The following DTHD1 variants were observed in gnomAD, a reference collection of about 807,000 sequenced individuals.
DTHD1 encodes death domain containing 1.
In DTHD1, 59 loss-of-function variants were observed where a neutral mutation model predicts 74.8. That is an observed-to-expected ratio of 0.79 (90% CI 0.64 to 0.98). DTHD1 has a LOEUF of 0.98. DTHD1 is among the 50% of genes least tolerant of loss of function. DTHD1 has a pLI of 0.00. For synonymous variants in DTHD1, 365 were observed against 371.1 expected, an observed-to-expected ratio of 0.98 and a Z score of 0.19; for missense variants, 1,051 against 1,065.4, an observed-to-expected ratio of 0.99 and a Z score of 0.19.
At chr4:36,330,952 C>A (rs570055469) in intron 8 of DTHD1, among the ~76,000 whole-genome samples, 2 of 151,964 alleles carry the variant, frequency 1.3e-5, no homozygotes, top group South Asian at 4.2e-4. Flanking sequence ...ATTCAGCATA[C>A]CCTTTACTGT....
chr4:36,328,547 G>C (rs564596459), intron 8 of DTHD1, among the ~76,000 whole-genome samples: 11 of 152,176 alleles, frequency 7.2e-5, no homozygotes, highest in Non-Finnish European at 1.6e-4. Flanking sequence ...CACAAAAACA[G>C]AGAAAATATA....
intron 3 of DTHD1, among the ~76,000 whole-genome samples, chr4:36,292,182 C>A (rs1174620510): frequency 6.6e-6 from 1 of 152,116 alleles, no homozygotes; most frequent in Non-Finnish European, 1.5e-5. Context: ...GTCAGCATTG[C>A]CCTTGACTGG....
chr4:36,302,658 C>T (rs1485418070), intron 5 of DTHD1, among the ~76,000 whole-genome samples: 1 of 152,034 alleles, frequency 6.6e-6, no homozygotes, highest in East Asian at 1.9e-4. Flanking sequence ...ATAAAAACTA[C>T]CAGAAATTTA....
chr4:36,284,358 T>C lies in DTHD1; in HGVS notation c.654T>C (p.Asn218=), dbSNP rs1394517583. Residue 218 remains asparagine (N), a synonymous_variant, in exon 2 of 10, where the codon AAT becomes AAC. Coordinates refer to ENST00000639862, the MANE Select transcript of DTHD1 (RefSeq NM_001170700.3). The part of the protein sequence containing the change: ...QNKMFPDNAE[N]EDDKQIEHMT... ...AAATGTTCCCAGATAATGCAGAAAA[T>C]GAAGATGATAAACAAATAGAACACA... The C allele has an allele frequency of 6.5e-7, 1 of 1,536,660 alleles. No homozygotes were observed. The highest frequency in any genetic ancestry group is 8.7e-7 in the Non-Finnish European group (1 of 1,146,770).
At position 36,284,605 on chromosome 4, in the gene DTHD1, A is replaced by G. The variant is rs73117663; in HGVS notation, c.887+14A>G. On this transcript the variant is annotated intron_variant, in intron 2 of 9. Coordinates refer to ENST00000639862, the MANE Select transcript of DTHD1 (RefSeq NM_001170700.3). ...AATGGAAAAGGAGTAAGTAAATGCAATGTGGGAAGTGCTTAAGTATGCCTA... is the reference window on the plus strand; with the variant it reads ...AATGGAAAAGGAGTAAGTAAATGCAGTGTGGGAAGTGCTTAAGTATGCCTA... The G allele has an allele frequency of 0.013, 19,351 of 1,486,074 alleles. 402 individuals carry two copies. The highest frequency in any genetic ancestry group is 0.096 in the African/African-American group (6,818 of 71,052). 92.1% of individuals were successfully genotyped at this position (1,486,074 alleles called of 1,614,324 possible). A position where few individuals can be genotyped will look rare whatever the true frequency, so the allele number is the denominator to read the frequency against.
intron 9 of DTHD1, among the ~76,000 whole-genome samples, chr4:36,343,004 T>C (rs908181425): frequency 1.3e-5 from 2 of 149,400 alleles, no homozygotes; most frequent in African/African-American, 4.9e-5. Context: ...TAGACTAGAA[T>C]CGCTTGAACC....
At chr4:36,286,713 C>G (rs544262772) in intron 2 of DTHD1, among the ~76,000 whole-genome samples, 1 of 152,284 alleles carries the variant, frequency 6.6e-6, no homozygotes, top group African/African-American at 2.4e-5. Context: ...GCCTACTGCA[C>G]GCTTAGTCTA....
chr4:36,317,926 A>T (rs1757822934), intron 8 of DTHD1, among the ~76,000 whole-genome samples: 1 of 152,232 alleles, frequency 6.6e-6, no homozygotes, highest in Admixed American at 6.5e-5. Flanking sequence ...GAAAAAAGGC[A>T]AGTTGGGGGA....
chr4:36,343,667 G>A lies in DTHD1; in HGVS notation c.2564G>A (p.Trp855Ter). ...CAGATCCACGAGTTTCTTTGCTTCT[G>A]GAAAAAATCGCTTCCAACTTTCACC... ...TEQIHEFLCF[W>*]KKSLPTFTDK... Residue 855 changes from tryptophan to a stop codon, truncating the protein, a stop_gained, in exon 10 of 10, where the codon TGG (tryptophan) becomes TAG (stop). Coordinates refer to ENST00000639862, the MANE Select transcript of DTHD1 (RefSeq NM_001170700.3). LOFTEE classifies it high-confidence loss of function. 6.4e-7 allele frequency: 1 copy of A among 1,551,752 alleles called. No individual in the cohort carries two copies. Among genetic ancestry groups the A allele is most frequent in the Non-Finnish European group, 8.7e-7 (1 of 1,146,940 alleles).
chr4:36,317,277 A>T (rs1053415337), intron 8 of DTHD1, among the ~76,000 whole-genome samples: 2 of 152,162 alleles, frequency 1.3e-5, no homozygotes, highest in Non-Finnish European at 2.9e-5. Context: ...GAAATAGGGG[A>T]TGTGCTGCGC....
At chr4:36,284,718 A>G in intron 2 of DTHD1, 127 bp downstream of exon 2, 3 of 775,220 alleles carry the variant, frequency 3.9e-6, no homozygotes, top group Middle Eastern at 3.9e-4. Context: ...GCTTTTAAAC[A>G]ACAGATATTT....
At chr4:36,314,674 C>T (rs1757601030) in intron 7 of DTHD1, among the ~76,000 whole-genome samples, 1 of 148,094 alleles carries the variant, frequency 6.8e-6, no homozygotes, top group African/African-American at 2.5e-5. Context: ...GCCTGGGTGA[C>T]AGAGTGAGGC....
At position 36,290,643 on chromosome 4, in the gene DTHD1, A is replaced by G; in HGVS notation, c.1158A>G (p.Ile386Met). ...YRDIMVKVCD[I>M]NLQSSYLNPN... Reference sequence around the variant, plus strand: ...ATATCATGGTGAAAGTGTGTGACATAAACCTTCAATCAAGTTACCTAAACC... The same window carrying G: ...ATATCATGGTGAAAGTGTGTGACATGAACCTTCAATCAAGTTACCTAAACC... The change falls in exon 3 of 10, where the codon ATA (isoleucine) becomes ATG (methionine). Residue 386 changes from isoleucine (I) to methionine (M), a missense_variant. Transcript: ENST00000639862. 1 of 1,547,846 alleles carries G rather than the reference A, an allele frequency of 6.5e-7. No homozygotes were observed.
Position 36,284,116 on chromosome 4 carries a change from T to G in DTHD1, c.412T>G (p.Ser138Ala), listed in dbSNP as rs1330678038. ...DECTPQQTMS[S>A]IQDTKAADIA... The stretch of plus-strand genomic sequence containing the variant: ...ATGTACTCCACAGCAGACAATGTCC[T>G]CCATTCAAGATACCAAAGCAGCAGA... The change falls in exon 2 of 10, where the codon TCC becomes GCC. Residue 138 changes from serine to alanine, a missense_variant. Coordinates refer to ENST00000639862, the MANE Select transcript of DTHD1 (RefSeq NM_001170700.3). 2.6e-6 allele frequency: 4 copies of G among 1,537,236 alleles called. No homozygotes were observed. The highest frequency in any genetic ancestry group is 2.4e-5 in the East Asian group (1 of 40,912).
intron 5 of DTHD1, among the ~76,000 whole-genome samples, chr4:36,297,937 C>CGTGT (rs34885963): frequency 0.011 from 1,656 of 149,012 alleles, 20 homozygotes; most frequent in South Asian, 0.041. Flanking sequence ...TGTGTGTGCA[C>CGTGT]GTGTGTGTGT....
intron 8 of DTHD1, among the ~76,000 whole-genome samples, chr4:36,318,674 G>A (rs1757877990): frequency 6.8e-6 from 1 of 147,650 alleles, no homozygotes; most frequent in Non-Finnish European, 1.5e-5. Context: ...GAGTGCAGTG[G>A]CGCGATCTCG....
chr4:36,325,360 T>A (rs1389944124), intron 8 of DTHD1, among the ~76,000 whole-genome samples: 1 of 152,218 alleles, frequency 6.6e-6, no homozygotes, highest in Non-Finnish European at 1.5e-5. Flanking sequence ...ATTAAGTTGA[T>A]CTTTTATCTT....
Position 36,281,715 on chromosome 4 carries a change from A to G in DTHD1, c.-44A>G. The G allele has an allele frequency of 8.1e-7, 1 of 1,234,830 alleles. No individual in the cohort carries two copies. Among genetic ancestry groups the G allele is most frequent in the Non-Finnish European group, 1.0e-6 (1 of 988,684 alleles). 76.5% of individuals were successfully genotyped at this position (1,234,830 alleles called of 1,614,324 possible). Reference sequence around the variant, plus strand: ...CAAAGTTTGAATTTGCAAAACCTTTAGGCTTTGCTGGCAGGAGAGAAAATA... The same window carrying G: ...CAAAGTTTGAATTTGCAAAACCTTTGGGCTTTGCTGGCAGGAGAGAAAATA... On this transcript the variant is annotated 5_prime_UTR_variant, in exon 1 of 10. Transcript: ENST00000639862.
intron 5 of DTHD1, among the ~76,000 whole-genome samples, chr4:36,301,362 G>A (rs1259216355): frequency 6.6e-6 from 1 of 151,946 alleles, no homozygotes; most frequent in African/African-American, 2.4e-5. Context: ...ATAATTCCCT[G>A]ATGCCTAATA....
Sources: allele counts gnomAD v4.1 joint callset (sites outside exome capture counted in the v4.1 genomes callset), GRCh38; gene constraint gnomAD v4.1.1; transcripts MANE v1.5; gene names NCBI Gene and HGNC (gene_info 2026-07-23, HGNC 2026-07-21).